USP8: variants seen among roughly 807,000 people sequenced by gnomAD.
USP8 encodes ubiquitin specific peptidase 8.
USP8 carries 27 observed loss-of-function variants against 130.0 expected under a neutral mutation model. That is an observed-to-expected ratio of 0.21 (90% CI 0.15 to 0.29). USP8 has a LOEUF of 0.29. Among genes scored for constraint, USP8 ranks in the 10% least tolerant of loss-of-function variants. The pLI is 1.00. For synonymous variants in USP8, 392 were observed against 444.1 expected (o/e 0.88, Z 1.48); for missense variants, 1,029 against 1,312.2 (o/e 0.78, Z 3.33).
intron 1 of USP8, among the ~76,000 whole-genome samples, chr15:50,431,800 G>T (rs1025279458): frequency 2.3e-4 from 35 of 152,144 alleles, no homozygotes; most frequent in African/African-American, 7.7e-4. Context: ...GGAATTACAG[G>T]CGTCCACCAC....
At chr15:50,429,306 T>G (rs1197947842) in intron 1 of USP8, among the ~76,000 whole-genome samples, 1 of 122,706 alleles carries the variant, frequency 8.1e-6, no homozygotes, top group African/African-American at 3.2e-5. Context: ...CTGGAGGTGT[T>G]TTTTTTTTTT....
chr15:50,480,708 A>G (rs1422769422), intron 10 of USP8, among the ~76,000 whole-genome samples: 3 of 152,122 alleles, frequency 2.0e-5, no homozygotes, highest in Non-Finnish European at 2.9e-5. Context: ...AAGACCATAC[A>G]GGGCATTACA....
intron 7 of USP8, 111 bp from the exon 8 acceptor site, chr15:50,471,522 A>T: frequency 8.5e-7 from 1 of 1,172,602 alleles, no homozygotes; most frequent in Non-Finnish European, 1.2e-6. Context: ...GAATCTACTT[A>T]AAATTTGCTA....
chr15:50,449,284 A>G (rs1023947310), intron 3 of USP8, 116 bp from the exon 4 acceptor site: 6 of 525,870 alleles, frequency 1.1e-5, no homozygotes, highest in East Asian at 3.7e-5. Flanking sequence ...AAAATCTTCC[A>G]TTGTAATAAA....
At chr15:50,442,188 G>A (rs2050283481) in intron 3 of USP8, among the ~76,000 whole-genome samples, 1 of 152,008 alleles carries the variant, frequency 6.6e-6, no homozygotes, top group South Asian at 2.1e-4. Context: ...TGGTCAGGCT[G>A]GTCTCAAACT....
At chr15:50,493,075 G>A (rs1489541470) in intron 15 of USP8, 162 bp downstream of exon 15, 1 of 795,456 alleles carries the variant, frequency 1.3e-6, no homozygotes, top group Non-Finnish European at 2.1e-6. Context: ...GACTGGGAAG[G>A]CCATCGTCTA....
At chr15:50,486,198 G>C (rs1200593901) in intron 12 of USP8, among the ~76,000 whole-genome samples, 1 of 151,966 alleles carries the variant, frequency 6.6e-6, no homozygotes, top group Non-Finnish European at 1.5e-5. Context: ...GAAAGAGGGG[G>C]AAAAAAGGGT....
At chr15:50,491,868 AGGAATTTT>A (rs2052182008) in intron 14 of USP8, among the ~76,000 whole-genome samples, 3 of 152,028 alleles carry the variant, frequency 2.0e-5, no homozygotes, top group African/African-American at 7.3e-5. Context: ...AGTGCAACTA[AGGAATTTT>A]TTTTTTTTGA....
chr15:50,492,601 C>CT, intron 14 of USP8, 100 bp from the exon 15 acceptor site: 1 of 1,155,046 alleles, frequency 8.7e-7, no homozygotes, highest in South Asian at 1.5e-5. Flanking sequence ...TACAAGATGC[C>CT]TGTGGTACAG....
At chr15:50,439,517 G>A (rs1385890136) in intron 2 of USP8, among the ~76,000 whole-genome samples, 1 of 152,044 alleles carries the variant, frequency 6.6e-6, no homozygotes, top group East Asian at 1.9e-4. Flanking sequence ...GGCCGGGTGC[G>A]GTGGCTCACG....
intron 14 of USP8, among the ~76,000 whole-genome samples, chr15:50,491,263 G>A (rs931327040): frequency 6.6e-6 from 1 of 152,098 alleles, no homozygotes. Context: ...ACTTGTATTT[G>A]CTAAGGAATT....
chr15:50,442,806 T>A (rs773023665), intron 3 of USP8, among the ~76,000 whole-genome samples: 1 of 152,170 alleles, frequency 6.6e-6, no homozygotes, highest in East Asian at 1.9e-4. Flanking sequence ...AGAGGTTCAT[T>A]AAACAAAAGT....
rs899749732 is a variant in USP8 at position 50,510,221 on chromosome 15, T to C, written c.*11133T>C. ...TCATATGCAGAAAAATGAAATTGAA[T>C]CCCTAATTTATACTACATTTTTGTC... On this transcript the variant is annotated 3_prime_UTR_variant, in exon 20 of 20. Transcript: ENST00000307179. 1.4e-4 allele frequency: 21 copies of C among 152,140 alleles called. No individual in the cohort carries two copies. The highest frequency in any genetic ancestry group is 4.8e-4 in the African/African-American group (20 of 41,426). The allele number at this position is 152,140 out of a possible 1,614,324, so 9.4% of individuals were successfully genotyped here.
chr15:50,439,090 C>T lies in USP8; in HGVS notation c.17C>T (p.Ser6Leu), dbSNP rs772245581. 8.1e-6 allele frequency: 13 copies of T among 1,608,976 alleles called. No homozygotes were observed. The East Asian group carries it at 2.9e-4, about 36-fold the overall frequency. The part of the protein sequence containing the change: MPAVA[S>L]VPKELYLSSS... ...TAATTCATCATGCCTGCTGTGGCTT[C>T]AGTTCCTAAAGAACTCTACCTCAGT... Residue 6 changes from serine to leucine, a missense_variant, in exon 2 of 20, where the codon TCA becomes TTA. Physicochemically the swap from Ser to Leu is moderately radical, Grantham distance 145. Around this residue, in one of 4 missense-constraint regions of USP8, gnomAD observed 281 missense variants for 336.7 expected, o/e 0.83. Transcript: ENST00000307179.
At chr15:50,467,895 ATTTAT>A (rs1369675658) in intron 7 of USP8, among the ~76,000 whole-genome samples, 1 of 150,900 alleles carries the variant, frequency 6.6e-6, no homozygotes, top group Non-Finnish European at 1.5e-5. Context: ...ATTTTATTGT[ATTTAT>A]TTTAATTTTT....
chr15:50,466,860 A>C lies in USP8; in HGVS notation c.686+1669A>C, dbSNP rs535704200. 4.0e-4 allele frequency: 153 copies of C among 382,038 alleles called. 8 individuals are homozygous for C. The highest frequency in any genetic ancestry group is 3.5e-3 in the South Asian group (153 of 44,044). 23.7% of individuals were successfully genotyped at this position (382,038 alleles called of 1,614,324 possible). ...GGAGAAGGTGTGTGCTGACTTGATC[A>C]GAGGAGCAAAGAAAAAGAATCTCAA... On this transcript the variant is annotated intron_variant, in intron 7 of 19. Coordinates refer to ENST00000307179, the MANE Select transcript of USP8 (RefSeq NM_005154.5).
At chr15:50,496,412 C>A (rs556632609) in intron 17 of USP8, among the ~76,000 whole-genome samples, 1 of 144,688 alleles carries the variant, frequency 6.9e-6, no homozygotes, top group Non-Finnish European at 1.5e-5. Flanking sequence ...ACCCTGGAGG[C>A]GGAGTTTACA....
intron 10 of USP8, among the ~76,000 whole-genome samples, chr15:50,480,240 T>C (rs1360654370): frequency 6.6e-6 from 1 of 152,200 alleles, no homozygotes; most frequent in Non-Finnish European, 1.5e-5. Context: ...TAATAAACAT[T>C]TAACTCATTA....
At chr15:50,498,452 A>T (rs994033118) in intron 18 of USP8, 144 bp from the exon 19 acceptor site, 2 of 1,085,804 alleles carry the variant, frequency 1.8e-6, no homozygotes, top group East Asian at 5.3e-5. Context: ...AAATGTCTTT[A>T]ACAGGTTCCT....
Sources: gnomAD v4.1 joint callset for allele counts (sites outside exome capture counted in the v4.1 genomes callset) on GRCh38, gnomAD v4.1.1 for gene constraint, gnomAD v4.1.1 regional missense constraint, MANE v1.5 for transcripts, NCBI Gene and HGNC (gene_info 2026-07-23, HGNC 2026-07-21) for gene names.